The following CNMD variants were observed in gnomAD, a reference collection of about 807,000 sequenced individuals.
CNMD encodes leukocyte cell-derived chemotaxin 1.
In CNMD, 30 loss-of-function variants were observed where a neutral mutation model predicts 37.5. The ratio of observed to expected loss-of-function variants is 0.80; its 90% CI spans 0.60 to 1.09. The LOEUF is 1.09. Among genes scored for constraint, CNMD ranks in the 50% least tolerant of loss-of-function variants. The pLI is 0.00. For missense variants in CNMD, 398 were observed against 423.9 expected (o/e 0.94, Z 0.54); for synonymous variants, 167 against 148.2 (o/e 1.13, Z -0.92).
chr13:52,727,239 A>C (rs1189634469), intron 3 of CNMD, among the ~76,000 whole-genome samples: 1 of 152,210 alleles, frequency 6.6e-6, no homozygotes, highest in Non-Finnish European at 1.5e-5. Context: ...ACCGCACTTC[A>C]GCCTGGGTGA....
intron 2 of CNMD, among the ~76,000 whole-genome samples, chr13:52,734,299 G>A (rs1964721956): frequency 6.6e-6 from 1 of 152,170 alleles, no homozygotes; most frequent in Non-Finnish European, 1.5e-5. Flanking sequence ...TGGCACTGTG[G>A]CACTCTGTTC....
intron 5 of CNMD, 90 bp downstream of exon 5, chr13:52,712,626 A>C: frequency 1.3e-6 from 1 of 756,780 alleles, no homozygotes; most frequent in Non-Finnish European, 1.9e-6. Context: ...CTCCTTGTTA[A>C]CATGCTCAGG....
At chr13:52,720,020 C>A (rs1964454660) in intron 4 of CNMD, among the ~76,000 whole-genome samples, 1 of 152,070 alleles carries the variant, frequency 6.6e-6, no homozygotes, top group Non-Finnish European at 1.5e-5. Context: ...AGGCTTTGTT[C>A]ATTCCTGTTC....
chr13:52,708,914 T>C (rs922507504), intron 5 of CNMD, among the ~76,000 whole-genome samples: 1 of 152,206 alleles, frequency 6.6e-6, no homozygotes, highest in African/African-American at 2.4e-5. Context: ...TTTGGTTTTG[T>C]AATACTAATT....
intron 4 of CNMD, among the ~76,000 whole-genome samples, chr13:52,716,120 T>A (rs755022276): frequency 1.4e-4 from 22 of 152,222 alleles, no homozygotes; most frequent in Non-Finnish European, 2.4e-4. Flanking sequence ...CAACTTTTTT[T>A]CATGTTTGTT....
At chr13:52,734,409 C>T (rs1489413682) in intron 2 of CNMD, among the ~76,000 whole-genome samples, 1 of 152,146 alleles carries the variant, frequency 6.6e-6, no homozygotes, top group East Asian at 1.9e-4. Context: ...AATTTCAATA[C>T]TTAAAACATT....
chr13:52,721,123 C>T (rs1262217011), intron 4 of CNMD, among the ~76,000 whole-genome samples: 2 of 152,134 alleles, frequency 1.3e-5, no homozygotes, highest in African/African-American at 2.4e-5. Context: ...CCTACTCAAG[C>T]CTCAGTGATG....
intron 3 of CNMD, among the ~76,000 whole-genome samples, chr13:52,726,307 G>T (rs1014036638): frequency 3.9e-5 from 6 of 152,194 alleles, no homozygotes; most frequent in Non-Finnish European, 7.4e-5. Flanking sequence ...CCATATGAAA[G>T]AGAAAGGTGT....
At chr13:52,708,869 CTT>C (rs1165256674) in intron 5 of CNMD, among the ~76,000 whole-genome samples, 167 bp from the exon 6 acceptor site, 2 of 151,698 alleles carry the variant, frequency 1.3e-5, no homozygotes, top group African/African-American at 4.8e-5. Flanking sequence ...GTTTTAGAGT[CTT>C]GGGCTAATAG....
At chr13:52,720,909 C>G (rs1964471761) in intron 4 of CNMD, among the ~76,000 whole-genome samples, 1 of 152,192 alleles carries the variant, frequency 6.6e-6, no homozygotes, top group South Asian at 2.1e-4. Flanking sequence ...TCACAGCCGC[C>G]CCTTCCCCCA....
At chr13:52,723,759 G>GT (rs1440080381) in intron 4 of CNMD, among the ~76,000 whole-genome samples, 1 of 152,022 alleles carries the variant, frequency 6.6e-6, no homozygotes, top group Non-Finnish European at 1.5e-5. Flanking sequence ...GTGAAACCCT[G>GT]TATCTATTAA....
At position 52,708,588 on chromosome 13, in the gene CNMD, C is replaced by G; in HGVS notation, c.737G>C (p.Arg246Thr). 2 of 1,614,016 alleles carry G rather than the reference C, an allele frequency of 1.2e-6. No individual in the cohort carries two copies. The highest frequency in any genetic ancestry group is 1.7e-6 in the Non-Finnish European group (2 of 1,179,976). ...TTGTGAGTCCTCTTGAACACTGGGT[C>G]TGGTTTCATTATTCAGTCTTCCAGC... ...PGAGRLNNETRPSVQEDSQAF... is the reference protein window; with the variant it reads ...PGAGRLNNETTPSVQEDSQAF... Residue 246 changes from arginine (R) to threonine (T), a missense_variant, in exon 6 of 7, where the codon AGA (arginine) becomes ACA (threonine). Arg to Thr is a moderately conservative substitution (Grantham distance 71, BLOSUM62 -1). Transcript: ENST00000377962.
intron 3 of CNMD, among the ~76,000 whole-genome samples, chr13:52,731,001 C>T (rs181656516): frequency 2.1e-4 from 32 of 152,304 alleles, no homozygotes; most frequent in African/African-American, 6.7e-4. Flanking sequence ...CCAAGTTGGG[C>T]TGAACTGGGC....
intron 6 of CNMD, among the ~76,000 whole-genome samples, chr13:52,707,136 C>T (rs1964194754): frequency 6.6e-6 from 1 of 152,044 alleles, no homozygotes; most frequent in Admixed American, 6.6e-5. Context: ...TCAGGTGATC[C>T]ACCCACCTCA....
chr13:52,708,807 C>T (rs1252068283), intron 5 of CNMD, 105 bp from the exon 6 acceptor site: 3 of 968,676 alleles, frequency 3.1e-6, no homozygotes. Context: ...AAAATTTGTG[C>T]ATAACCAGAT....
At chr13:52,729,528 GTGTC>G (rs1187738132) in intron 3 of CNMD, among the ~76,000 whole-genome samples, 1 of 152,212 alleles carries the variant, frequency 6.6e-6, no homozygotes, top group African/African-American at 2.4e-5. Flanking sequence ...ACACACACTT[GTGTC>G]TGTCTGCATT....
chr13:52,716,589 A>T (rs2138237764), intron 4 of CNMD, among the ~76,000 whole-genome samples: 1 of 152,294 alleles, frequency 6.6e-6, no homozygotes, highest in Middle Eastern at 3.4e-3. Flanking sequence ...TCCCAAGACC[A>T]TTTATTAAAT....
Position 52,739,620 on chromosome 13 carries a change from C to A in CNMD, c.72+10G>T, listed in dbSNP as rs1316095002. The stretch of plus-strand genomic sequence containing the variant: ...CAGGCCCTGCGTGTGGAATCCCTGG[C>A]GGTACTCACCGGGGGGCTGCAGAAT... On this transcript the variant is annotated intron_variant, in intron 1 of 6. Transcript: ENST00000377962. This position sits in a 1 kb window ranked among gnomAD's most constrained non-coding sequence, Gnocchi z 5.4. 1.9e-6 allele frequency: 3 copies of A among 1,611,346 alleles called. No individual in the cohort carries two copies. The highest frequency in any genetic ancestry group is 1.3e-5 in the African/African-American group (1 of 74,872).
intron 4 of CNMD, among the ~76,000 whole-genome samples, chr13:52,713,315 G>C (rs1017933247): frequency 4.6e-5 from 7 of 152,196 alleles, no homozygotes; most frequent in African/African-American, 1.7e-4. Flanking sequence ...CAAGTGATTG[G>C]TTCTTTAATG....
Sources: allele counts gnomAD v4.1 joint callset (sites outside exome capture counted in the v4.1 genomes callset), GRCh38; gene constraint gnomAD v4.1.1; non-coding constraint Gnocchi (gnomAD v3.1); transcripts MANE v1.5; gene names NCBI Gene and HGNC (gene_info 2026-07-23, HGNC 2026-07-21).